SLC38A6: variants seen among roughly 807,000 people sequenced by gnomAD.
SLC38A6 encodes N system amino acid transporter NAT-1.
SLC38A6 carries 73 observed loss-of-function variants against 65.0 expected under a neutral mutation model. The ratio of observed to expected loss-of-function variants is 1.12; its 90% CI spans 0.93 to 1.37. SLC38A6 has a LOEUF of 1.37. Ranked by LOEUF, SLC38A6 falls within the 40% of genes most tolerant of loss-of-function variation. The probability of loss-of-function intolerance (pLI) is 0.00; values close to 1 mark genes in which losing one functional copy is unlikely to be tolerated. For missense variants in SLC38A6, 561 were observed against 531.1 expected (o/e 1.06, Z -0.55); for synonymous variants, 183 against 178.8 (o/e 1.02, Z -0.19).
intron 2 of SLC38A6, among the ~76,000 whole-genome samples, chr14:60,983,963 A>G (rs369251304): frequency 1.6e-4 from 25 of 152,182 alleles, no homozygotes; most frequent in African/African-American, 3.1e-4. Context: ...TTACCTCTCA[A>G]TTTTATTTAT....
intron 15 of SLC38A6, among the ~76,000 whole-genome samples, chr14:61,062,031 G>T (rs1295096507): frequency 6.6e-6 from 1 of 152,066 alleles, no homozygotes; most frequent in Admixed American, 6.5e-5. Flanking sequence ...TAGAGATGGG[G>T]TTTTACCATG....
chr14:61,031,713 A>G (rs887065152), intron 6 of SLC38A6, among the ~76,000 whole-genome samples: 4 of 152,018 alleles, frequency 2.6e-5, no homozygotes, highest in African/African-American at 9.7e-5. Context: ...TAGCTATGTG[A>G]AATTCATTTT....
chr14:61,071,981 A>G (rs1331505501), intron 15 of SLC38A6, among the ~76,000 whole-genome samples: 1 of 152,116 alleles, frequency 6.6e-6, no homozygotes, highest in Non-Finnish European at 1.5e-5. Flanking sequence ...TGCTGTTTCC[A>G]GGAAAGGGTG....
chr14:61,019,933 G>A (rs1057218721), intron 5 of SLC38A6, among the ~76,000 whole-genome samples: 2 of 152,014 alleles, frequency 1.3e-5, no homozygotes, highest in Admixed American at 1.3e-4. Flanking sequence ...CACCCTATTG[G>A]CAGATACTAC....
At chr14:60,988,827 A>C (rs905415195) in intron 3 of SLC38A6, among the ~76,000 whole-genome samples, 1 of 152,166 alleles carries the variant, frequency 6.6e-6, no homozygotes, top group Non-Finnish European at 1.5e-5. Flanking sequence ...TAAAATTCCA[A>C]CCATAGTTAA....
intron 12 of SLC38A6, chr14:61,048,409 A>T (rs2042291806): frequency 3.8e-6 from 1 of 259,822 alleles, no homozygotes; most frequent in Non-Finnish European, 7.6e-6. Context: ...TCCTGACTTC[A>T]ATGGCATATA....
At chr14:61,079,583 C>T (rs1199351416) in intron 16 of SLC38A6, among the ~76,000 whole-genome samples, 1 of 152,192 alleles carries the variant, frequency 6.6e-6, no homozygotes, top group Non-Finnish European at 1.5e-5. Flanking sequence ...TGCTCCATTA[C>T]TCAGGAAACC....
At chr14:61,043,356 AAGCCTAGTAATAATAAATTCATC>A in intron 9 of SLC38A6, 71 bp from the exon 10 acceptor site, 1 of 1,136,468 alleles carries the variant, frequency 8.8e-7, no homozygotes, top group Admixed American at 2.5e-5. Flanking sequence ...TTTCATTTGA[AAGCCTAGTAATAATAAATTCATC>A]ATTTTTATTG....
At chr14:61,018,791 G>C (rs886786442) in intron 4 of SLC38A6, among the ~76,000 whole-genome samples, 4 of 152,002 alleles carry the variant, frequency 2.6e-5, no homozygotes, top group African/African-American at 9.7e-5. Flanking sequence ...ATTTTTAACT[G>C]ATTACCAACT....
chr14:61,038,352 T>G (rs186450350), intron 8 of SLC38A6, among the ~76,000 whole-genome samples: 113 of 152,218 alleles, frequency 7.4e-4, no homozygotes, highest in African/African-American at 2.6e-3. Flanking sequence ...TAAAACATCT[T>G]AACATTCTAA....
At chr14:61,075,834 T>C (rs2043393535) in intron 15 of SLC38A6, among the ~76,000 whole-genome samples, 1 of 106,584 alleles carries the variant, frequency 9.4e-6, no homozygotes, top group South Asian at 2.9e-4. Context: ...TGTGTGTGTA[T>C]GTATTTGGGA....
Position 61,052,125 on chromosome 14 carries a change from A to G in SLC38A6, c.1280A>G (p.Lys427Arg), listed in dbSNP as rs2066104356. The G allele has an allele frequency of 3.8e-6, 6 of 1,562,974 alleles. No individual in the cohort carries two copies. The African/African-American group carries it at 8.4e-5, about 22-fold the overall frequency. Residue 427 changes from lysine to arginine, a missense_variant, in exon 15 of 16, where the codon AAA becomes AGA. Physicochemically the swap from Lys to Arg is conservative, Grantham distance 26 (BLOSUM62 2). Transcript: ENST00000267488. ...AGCAGAGAGGATTTTCTGTCATGGA[A>G]AAAGCTTGGGGTAGGTTGTTTTTGT... The part of the protein sequence containing the change: ...KLSREDFLSW[K>R]KLGAFVLLIF...
At chr14:60,999,788 C>CAGCT (rs902342440) in intron 3 of SLC38A6, among the ~76,000 whole-genome samples, 2 of 152,154 alleles carry the variant, frequency 1.3e-5, no homozygotes, top group African/African-American at 4.8e-5. Flanking sequence ...GGCATGCCAG[C>CAGCT]AGCTACCAGA....
At chr14:61,039,526 T>TG (rs1162592699) in intron 8 of SLC38A6, among the ~76,000 whole-genome samples, 1 of 147,440 alleles carries the variant, frequency 6.8e-6, no homozygotes, top group African/African-American at 2.5e-5. Context: ...GCATGCTAAT[T>TG]TTTTTTTTTT....
chr14:61,072,601 G>C (rs1566733378), intron 15 of SLC38A6, among the ~76,000 whole-genome samples: 1 of 152,190 alleles, frequency 6.6e-6, no homozygotes, highest in Admixed American at 6.5e-5. Context: ...TTGATTTTTA[G>C]ATCCCACAGA....
intron 16 of SLC38A6, among the ~76,000 whole-genome samples, chr14:61,080,903 G>T (rs992129416): frequency 6.6e-6 from 1 of 152,210 alleles, no homozygotes; most frequent in Non-Finnish European, 1.5e-5. Flanking sequence ...TGTCACACAC[G>T]CATTGTCAGC....
At chr14:60,981,458 A>G (rs1472363073) in intron 1 of SLC38A6, 76 bp downstream of exon 1, 7 of 1,544,140 alleles carry the variant, frequency 4.5e-6, no homozygotes, top group Non-Finnish European at 6.1e-6. Context: ...AAGACCCAGA[A>G]AAGGAGGACC....
In SLC38A6 at chr14:61,046,080, A is replaced by G; in HGVS notation, c.838A>G (p.Arg280Gly). 1.2e-6 allele frequency: 2 copies of G among 1,606,182 alleles called. No individual in the cohort carries two copies. Among genetic ancestry groups the G allele is most frequent in the South Asian group, 1.1e-5 (1 of 89,902 alleles). The change falls in exon 12 of 16, where the codon AGA becomes GGA. Residue 280 changes from arginine to glycine, a missense_variant. By Grantham distance (125) the Arg-to-Gly change is moderately radical. Coordinates refer to ENST00000267488, the MANE Select transcript of SLC38A6 (RefSeq NM_153811.3). ...TTTGTCTTTTAGTCCTTCAAAGAAA[A>G]GAATGCAGAATGTTACCAATACAGC... ...YCELQSPSKK[R>G]MQNVTNTAIA... is the part of the protein sequence containing the mutation.
chr14:61,031,785 T>TAAA (rs2041010675), intron 6 of SLC38A6, among the ~76,000 whole-genome samples: 1 of 151,942 alleles, frequency 6.6e-6, no homozygotes, highest in Non-Finnish European at 1.5e-5. Context: ...GTGAGAAATT[T>TAAA]ATATTTTAGG....
Sources: allele counts gnomAD v4.1 joint callset (sites outside exome capture counted in the v4.1 genomes callset), GRCh38; gene constraint gnomAD v4.1.1; transcripts MANE v1.5; gene names NCBI Gene and HGNC (gene_info 2026-07-23, HGNC 2026-07-21).